Variants in ABCC9 observed in about 807,000 individuals in gnomAD.
ABCC9 encodes the protein ATP-binding cassette sub-family C member 9.
ABCC9 carries 95 observed loss-of-function variants against 188.3 expected under a neutral mutation model. That is an observed-to-expected ratio of 0.50 (90% CI 0.43 to 0.60). The LOEUF is 0.60. Ranked by LOEUF, ABCC9 falls within the 20% of genes least tolerant of loss-of-function variation. The pLI, the probability that ABCC9 is intolerant of heterozygous loss-of-function variation, is 0.00. For missense variants in ABCC9, 1,102 were observed against 1,876.3 expected (o/e 0.59, Z 7.62); for synonymous variants, 659 against 652.7 (o/e 1.01, Z -0.15).
chr12:21,910,085 C>T, intron 10 of ABCC9, 72 bp downstream of exon 10: 1 of 1,405,296 alleles, frequency 7.1e-7, no homozygotes, highest in Admixed American at 1.7e-5. Flanking sequence ...TTTTACAGAG[C>T]TAAATACATT....
chr12:21,924,228 AG>A, intron 5 of ABCC9: 1 of 171,160 alleles, frequency 5.8e-6, no homozygotes, highest in Non-Finnish European at 1.2e-5. Flanking sequence ...TCTCACAAAA[AG>A]ATACGCATGA....
At position 21,844,550 on chromosome 12, in the gene ABCC9, A is replaced by C; in HGVS notation, c.3248T>G (p.Phe1083Cys). ...CAGTCCCAGGGGTGTGGTATCAAAA[A>C]ACCTAGGCAATAAACAGATGGAAGT... ...LNKIILGPIR[F>C]FDTTPLGLIL... The change falls in exon 28 of 40, where the codon TTT becomes TGT. Residue 1083 changes from phenylalanine (F) to cysteine (C), a missense_variant and splice_region_variant. Physicochemically the swap from Phe to Cys is radical, Grantham distance 205. Coordinates refer to ENST00000261200, the MANE Select transcript of ABCC9 (RefSeq NM_020297.4). 1 of 1,613,510 alleles carries C rather than the reference A, an allele frequency of 6.2e-7. No individual in the cohort carries two copies. The highest frequency in any genetic ancestry group is 8.5e-7 in the Non-Finnish European group (1 of 1,179,482).
At chr12:21,911,379 A>G (rs1265499908) in intron 8 of ABCC9, among the ~76,000 whole-genome samples, 1 of 151,950 alleles carries the variant, frequency 6.6e-6, no homozygotes, top group Non-Finnish European at 1.5e-5. Context: ...TTATTAGTTT[A>G]AAATAATTCC....
chr12:21,882,732 C>T (rs1946682391), intron 16 of ABCC9, 34 bp downstream of exon 16: 2 of 1,510,626 alleles, frequency 1.3e-6, no homozygotes, highest in East Asian at 2.3e-5. Context: ...ATAAATGTTT[C>T]TATTCATGTA....
chr12:21,879,924 A>G (rs905639154), intron 16 of ABCC9, among the ~76,000 whole-genome samples: 2 of 152,064 alleles, frequency 1.3e-5, no homozygotes, highest in African/African-American at 4.8e-5. Context: ...AGTAATCATT[A>G]CAGCGGAGTA....
chr12:21,870,958 C>T (rs1946042884), intron 18 of ABCC9, among the ~76,000 whole-genome samples: 1 of 152,070 alleles, frequency 6.6e-6, no homozygotes, highest in East Asian at 1.9e-4. Context: ...TATTGGGGGT[C>T]AATTTAGCTC....
At chr12:21,936,456 A>G (rs1949490309) in intron 3 of ABCC9, 77 bp downstream of exon 3, 2 of 1,308,674 alleles carry the variant, frequency 1.5e-6, no homozygotes, top group South Asian at 1.3e-5. Flanking sequence ...AAATTAAGTC[A>G]ACATTATCCC....
intron 12 of ABCC9, among the ~76,000 whole-genome samples, chr12:21,900,061 G>A (rs1439086068): frequency 2.0e-5 from 3 of 152,206 alleles, no homozygotes; most frequent in Non-Finnish European, 4.4e-5. Flanking sequence ...GGCACCCCCA[G>A]TAGGGGCAGA....
At chr12:21,871,585 CA>C (rs1286938263) in intron 18 of ABCC9, among the ~76,000 whole-genome samples, 7 of 152,128 alleles carry the variant, frequency 4.6e-5, no homozygotes, top group Non-Finnish European at 1.0e-4. Flanking sequence ...TGTATGTAAA[CA>C]GCAAACTCAG....
At chr12:21,936,044 A>G (rs1160601120) in intron 3 of ABCC9, among the ~76,000 whole-genome samples, 1 of 152,140 alleles carries the variant, frequency 6.6e-6, no homozygotes, top group Non-Finnish European at 1.5e-5. Context: ...TTCCCCAGAC[A>G]TGTCACTCAC....
chr12:21,823,688 A>G (rs1420509152), intron 31 of ABCC9, among the ~76,000 whole-genome samples: 3 of 152,242 alleles, frequency 2.0e-5, no homozygotes, highest in Non-Finnish European at 4.4e-5. Flanking sequence ...CATTTTTGCA[A>G]CTGAAAACAC....
chr12:21,914,340 C>T (rs1027514134), intron 7 of ABCC9, among the ~76,000 whole-genome samples: 2 of 151,938 alleles, frequency 1.3e-5, no homozygotes, highest in Non-Finnish European at 2.9e-5. Context: ...TGATAAAAGA[C>T]AAAATGAAAA....
In ABCC9 at chr12:21,863,003, A is replaced by G; in HGVS notation, c.2289T>C (p.Asn763=). Residue 763 remains asparagine (N), a synonymous_variant, in exon 20 of 40, where the codon AAT becomes AAC. Transcript: ENST00000261200. ...AAGTAATATTTTCTTCTACTGTAGC[A>G]TTTAATAGCCAAGGCTTTTGAGCTG... The part of the protein sequence containing the change: ...AYAAQKPWLL[N]ATVEENITFG... 2 of 1,613,126 alleles carry G rather than the reference A, an allele frequency of 1.2e-6. No individual in the cohort carries two copies. Among genetic ancestry groups the G allele is most frequent in the South Asian group, 1.1e-5 (1 of 91,054 alleles).
At chr12:21,834,211 T>G (rs1400665531) in intron 30 of ABCC9, among the ~76,000 whole-genome samples, 2 of 152,228 alleles carry the variant, frequency 1.3e-5, no homozygotes, top group African/African-American at 4.8e-5. Flanking sequence ...AAATGCTCAC[T>G]TGATTAACTC....
chr12:21,830,815 C>G (rs768248438), intron 30 of ABCC9, among the ~76,000 whole-genome samples: 24 of 152,232 alleles, frequency 1.6e-4, no homozygotes, highest in Middle Eastern at 3.4e-3. Context: ...CACAGGAGGA[C>G]CTGGCCTGAA....
In ABCC9 at chr12:21,800,248, C is replaced by T. The variant is rs998430079; in HGVS notation, c.*796G>A. 2 of 152,124 alleles carry T rather than the reference C, an allele frequency of 1.3e-5. No individual in the cohort carries two copies. Among genetic ancestry groups the T allele is most frequent in the African/African-American group, 2.4e-5 (1 of 41,426 alleles). The allele number at this position is 152,124 out of a possible 1,614,324, so 9.4% of individuals were successfully genotyped here. On this transcript the variant is annotated 3_prime_UTR_variant, in exon 40 of 40. Transcript: ENST00000261200. Reference sequence around the variant, plus strand: ...GCATGTTAGGGCTCAAGATCATAACCACAGCTAATCATTAAACTATAGAAA... The same window carrying T: ...GCATGTTAGGGCTCAAGATCATAACTACAGCTAATCATTAAACTATAGAAA...
At chr12:21,809,262 CT>C (rs1434372544) in intron 37 of ABCC9, among the ~76,000 whole-genome samples, 1 of 152,096 alleles carries the variant, frequency 6.6e-6, no homozygotes, top group East Asian at 1.9e-4. Context: ...TGTACAACCC[CT>C]AGGACTGAAT....
chr12:21,913,441 C>T (rs753158284), intron 7 of ABCC9, among the ~76,000 whole-genome samples: 16 of 152,070 alleles, frequency 1.1e-4, no homozygotes, highest in Non-Finnish European at 2.4e-4. Context: ...CATTGCATAG[C>T]AAGCAAAAGA....
chr12:21,847,013 CT>C (rs1386450530), intron 25 of ABCC9, among the ~76,000 whole-genome samples: 7 of 152,092 alleles, frequency 4.6e-5, no homozygotes, highest in African/African-American at 1.7e-4. Flanking sequence ...GTACCCTCTA[CT>C]TCTTTTCTTC....
Sources: gnomAD v4.1 joint callset for allele counts (sites outside exome capture counted in the v4.1 genomes callset) on GRCh38, gnomAD v4.1.1 for gene constraint, MANE v1.5 for transcripts, NCBI Gene and HGNC (gene_info 2026-07-23, HGNC 2026-07-21) for gene names.